The following ANKS1A variants were observed in gnomAD, a reference collection of about 807,000 sequenced individuals.
ANKS1A encodes the protein ankyrin repeat and sterile alpha motif domain containing 1A, also known as ankyrin repeat and SAM domain-containing protein 1A.
In ANKS1A, 55 loss-of-function variants were observed where a neutral mutation model predicts 120.3. That is an observed-to-expected ratio of 0.46 (90% CI 0.37 to 0.57). ANKS1A has a LOEUF of 0.57. Among genes scored for constraint, ANKS1A ranks in the 20% least tolerant of loss-of-function variants. The pLI, the probability that ANKS1A is intolerant of heterozygous loss-of-function variation, is 0.00. For synonymous variants in ANKS1A, 590 were observed against 604.7 expected (o/e 0.98, Z 0.36); for missense variants, 1,123 against 1,480.3 (o/e 0.76, Z 3.96).
chr6:34,961,430 G>A (rs1770632513), intron 1 of ANKS1A, among the ~76,000 whole-genome samples: 2 of 152,178 alleles, frequency 1.3e-5, no homozygotes, highest in African/African-American at 4.8e-5. Flanking sequence ...TTCTAGATGG[G>A]CTTTTGGAGG....
chr6:35,086,440 G>A lies in ANKS1A; in HGVS notation c.3303+504G>A. On this transcript the variant is annotated intron_variant, in intron 22 of 23. Transcript: ENST00000360359. The surrounding 1 kb of genome is among the most constrained non-coding windows in gnomAD (Gnocchi z 5.1). Reference sequence around the variant, plus strand: ...CCGTGAGCGCTCTTAGCCTCTGGCGGCCTCTCCCTCTGCCTGTGTGACATT... The same window carrying A: ...CCGTGAGCGCTCTTAGCCTCTGGCGACCTCTCCCTCTGCCTGTGTGACATT... 1 of 1,090,268 alleles carries A rather than the reference G, an allele frequency of 9.2e-7. No homozygotes were observed. The highest frequency in any genetic ancestry group is 1.3e-5 in the South Asian group (1 of 76,864). The allele number at this position is 1,090,268 out of a possible 1,614,324, so 67.5% of individuals were successfully genotyped here. A position where few individuals can be genotyped will look rare whatever the true frequency, so the allele number is the denominator to read the frequency against.
intron 3 of ANKS1A, 49 bp from the exon 4 acceptor site, chr6:34,981,641 C>T: frequency 6.3e-7 from 1 of 1,577,974 alleles, no homozygotes. Context: ...CAGTCAGGTG[C>T]CTGTCTGCCA....
chr6:35,082,938 A>G lies in ANKS1A; in HGVS notation c.2835+122A>G. 4.8e-6 allele frequency: 7 copies of G among 1,454,782 alleles called. No homozygotes were observed. Among genetic ancestry groups the G allele is most frequent in the Non-Finnish European group, 5.5e-6 (6 of 1,089,204 alleles). 90.1% of individuals were successfully genotyped at this position (1,454,782 alleles called of 1,614,324 possible). On this transcript the variant is annotated intron_variant, in intron 18 of 23. Coordinates refer to ENST00000360359, the MANE Select transcript of ANKS1A (RefSeq NM_015245.3). The surrounding 1 kb of genome is among the most constrained non-coding windows in gnomAD (Gnocchi z 4.1). ...GCCCAGGGCTTTTGAGCTGTTCTCC[A>G]CTCTCAGCCACTCTTGACAGCTAAG...
In ANKS1A at chr6:35,079,936, G is replaced by T; in HGVS notation, c.2544+8G>T. ...AGATTCTCCCAGCTGAGGGTGAGTC[G>T]GGGAGGGACAGAAAGGAATGTATGT... On this transcript the variant is annotated splice_region_variant and intron_variant, in intron 16 of 23. Coordinates refer to ENST00000360359, the MANE Select transcript of ANKS1A (RefSeq NM_015245.3). 2 of 1,553,080 alleles carry T rather than the reference G, an allele frequency of 1.3e-6. No individual in the cohort carries two copies. Among genetic ancestry groups the T allele is most frequent in the Non-Finnish European group, 1.7e-6 (2 of 1,147,802 alleles).
rs1777734479 is a variant in ANKS1A, at chr6:35,082,430, C to T, written c.2710-261C>T. Reference sequence around the variant, plus strand: ...GTCATTTCCCATCTCCTTTGAGACTCATCTCGGACACCACAGAGACTGTCC... The same window carrying T: ...GTCATTTCCCATCTCCTTTGAGACTTATCTCGGACACCACAGAGACTGTCC... On this transcript the variant is annotated intron_variant, in intron 17 of 23. Coordinates refer to ENST00000360359, the MANE Select transcript of ANKS1A (RefSeq NM_015245.3). The surrounding 1 kb of genome is among the most constrained non-coding windows in gnomAD (Gnocchi z 4.1). 6.6e-6 allele frequency among the ~76,000 whole-genome samples: 1 copy of T among 152,100 alleles called. No homozygotes were observed. The highest frequency in any genetic ancestry group is 1.5e-5 in the Non-Finnish European group (1 of 68,020).
In ANKS1A at chr6:35,087,059, C is replaced by A; in HGVS notation, c.3401+10C>A. 1 of 1,613,322 alleles carries A rather than the reference C, an allele frequency of 6.2e-7. No homozygotes were observed. Among genetic ancestry groups the A allele is most frequent in the Non-Finnish European group, 8.5e-7 (1 of 1,179,298 alleles). The stretch of plus-strand genomic sequence containing the variant: ...GGAGCCTCAGCACCAAGTATGAGAC[C>A]ACTATCTTCTAAAACAACCCACTCC... On this transcript the variant is annotated intron_variant, in intron 23 of 23. Transcript: ENST00000360359.
intron 1 of ANKS1A, among the ~76,000 whole-genome samples, chr6:34,949,319 A>C (rs1423416169): frequency 6.6e-6 from 1 of 152,158 alleles, no homozygotes; most frequent in Non-Finnish European, 1.5e-5. Flanking sequence ...AGGGAGGGTG[A>C]TGGAGCCAGA....
At chr6:34,929,805 TTCTC>T (rs113313247) in intron 1 of ANKS1A, among the ~76,000 whole-genome samples, 19,697 of 135,860 alleles carry the variant, frequency 0.14, 2,854 homozygotes, top group African/African-American at 0.38. Context: ...TCCTTCCTCC[TTCTC>T]TCTCTCTCTT....
Position 34,973,857 on chromosome 6 carries a change from TGCCCTC to T in ANKS1A, c.435+3692_435+3697del, listed in dbSNP as rs1561881678. On this transcript the variant is annotated intron_variant, in intron 3 of 23. Transcript: ENST00000360359. ...CTTCCCCTTCCCTTCCCCTTCCCCT[TGCCCTC>T]CCCTTCCCTTCCCCTTCCCCTTCAC... is the stretch of plus-strand genomic sequence containing the variant. Among the ~76,000 whole-genome samples the T allele has an allele frequency of 2.5e-3, 200 of 81,388 alleles. 11 individuals carry two copies. Among genetic ancestry groups the T allele is most frequent in the African/African-American group, 0.01 (149 of 14,770 alleles). The allele number at this position is 81,388 out of a possible 152,430, so 53.4% of individuals were successfully genotyped here. A position where few individuals can be genotyped will look rare whatever the true frequency, so the allele number is the denominator to read the frequency against.
intron 1 of ANKS1A, among the ~76,000 whole-genome samples, chr6:34,936,470 C>T (rs946273169): frequency 1.3e-5 from 2 of 152,170 alleles, no homozygotes; most frequent in Non-Finnish European, 2.9e-5. Context: ...GTACTGAGGT[C>T]ATTATCTTTA....
At chr6:34,956,902 G>A (rs1181054954) in intron 1 of ANKS1A, among the ~76,000 whole-genome samples, 1 of 152,136 alleles carries the variant, frequency 6.6e-6, no homozygotes, top group African/African-American at 2.4e-5. Context: ...CAGACCTGGT[G>A]GTCTAACACC....
At chr6:35,073,492 T>C (rs1777180280) in intron 13 of ANKS1A, among the ~76,000 whole-genome samples, 1 of 152,232 alleles carries the variant, frequency 6.6e-6, no homozygotes, top group Non-Finnish European at 1.5e-5. Flanking sequence ...CGAAGATCAG[T>C]GCTCTGTCCC....
At chr6:34,897,191 G>A (rs1437397604) in intron 1 of ANKS1A, among the ~76,000 whole-genome samples, 1 of 151,792 alleles carries the variant, frequency 6.6e-6, no homozygotes, top group East Asian at 1.9e-4. Flanking sequence ...TTTCTTAGTT[G>A]CAAAAATTAG....
Position 35,082,568 on chromosome 6 carries a change from A to G in ANKS1A, c.2710-123A>G. The G allele has an allele frequency of 7.7e-7, 1 of 1,298,924 alleles. No individual in the cohort carries two copies. The highest frequency in any genetic ancestry group is 1.0e-6 in the Non-Finnish European group (1 of 969,030). The allele number at this position is 1,298,924 out of a possible 1,614,324, so 80.5% of individuals were successfully genotyped here. A position where few individuals can be genotyped will look rare whatever the true frequency, so the allele number is the denominator to read the frequency against. On this transcript the variant is annotated intron_variant, in intron 17 of 23. Transcript: ENST00000360359. The surrounding 1 kb of genome is among the most constrained non-coding windows in gnomAD (Gnocchi z 4.1). ...TGCTGGTCTGCCCCCTGCCATCTCC[A>G]CTCGACCCTTGAACTTGCTAAGGTC... is the stretch of plus-strand genomic sequence containing the variant.
downstream of ANKS1A, among the ~76,000 whole-genome samples, chr6:35,091,716 G>C (rs1396206137): frequency 1.1e-4 from 16 of 152,210 alleles, no homozygotes; most frequent in Admixed American, 1.0e-3. Flanking sequence ...CTCTTGGTCT[G>C]GGCTTGTCCA....
chr6:35,051,629 G>C (rs781683450), intron 11 of ANKS1A, among the ~76,000 whole-genome samples: 1 of 152,122 alleles, frequency 6.6e-6, no homozygotes, highest in African/African-American at 2.4e-5. Flanking sequence ...CAGGCCCAGC[G>C]GGTGACAAGG....
intron 9 of ANKS1A, 28 bp downstream of exon 9, chr6:34,989,344 T>G (rs1236775996): frequency 1.4e-5 from 22 of 1,598,450 alleles, no homozygotes; most frequent in Non-Finnish European, 1.8e-5. Flanking sequence ...TATTCCCCAT[T>G]GCTGAAATTT....
At chr6:35,041,419 T>G (rs3800426) in intron 11 of ANKS1A, among the ~76,000 whole-genome samples, 79,698 of 152,014 alleles carry the variant, frequency 0.52, 21,870 homozygotes, top group Middle Eastern at 0.65. Flanking sequence ...TCACAAAGTG[T>G]AGAGGATTGC....
At chr6:34,943,699 T>G (rs1237204653) in intron 1 of ANKS1A, among the ~76,000 whole-genome samples, 1 of 152,238 alleles carries the variant, frequency 6.6e-6, no homozygotes, top group Non-Finnish European at 1.5e-5. Flanking sequence ...CTTTCCATCC[T>G]GGCTTCTTTC....
Sources: allele counts gnomAD v4.1 joint callset (sites outside exome capture counted in the v4.1 genomes callset), GRCh38; gene constraint gnomAD v4.1.1; non-coding constraint Gnocchi (gnomAD v3.1); transcripts MANE v1.5; gene names NCBI Gene and HGNC (gene_info 2026-07-23, HGNC 2026-07-21).